The following HLTF variants were observed in gnomAD, a reference collection of about 807,000 sequenced individuals.
The protein encoded by HLTF is helicase like transcription factor, also known as DNA-dependent ATPase/E3 ubiquitin-protein ligase HLTF.
A neutral mutation model predicts 129.4 loss-of-function variants in HLTF; 127 were observed. The ratio of observed to expected loss-of-function variants is 0.98; its 90% CI spans 0.85 to 1.14. HLTF has a LOEUF of 1.14. Ranked by LOEUF, HLTF falls within the 50% of genes most tolerant of loss-of-function variation. The pLI, the probability that HLTF is intolerant of heterozygous loss-of-function variation, is 0.00. For missense variants in HLTF, 1,139 were observed against 1,187.1 expected (o/e 0.96, Z 0.60); for synonymous variants, 332 against 388.8 (o/e 0.85, Z 1.72).
In HLTF at chr3:149,048,859, T is replaced by G; in HGVS notation, c.1756+4A>C. 6.2e-7 allele frequency: 1 copy of G among 1,610,252 alleles called. No individual in the cohort carries two copies. The highest frequency in any genetic ancestry group is 2.2e-5 in the East Asian group (1 of 44,806). On this transcript the variant is annotated splice_donor_region_variant and intron_variant, in intron 16 of 24. Transcript: ENST00000310053. ...GGTTTTAGTAAGTTTAATGCTATGA[T>G]TACCTGTCAAAACCCATCTTCTTTC... is the stretch of plus-strand genomic sequence containing the variant.
At chr3:149,061,268 G>A (rs115634563) in intron 10 of HLTF, among the ~76,000 whole-genome samples, 1,568 of 151,950 alleles carry the variant, frequency 0.01, 28 homozygotes, top group African/African-American at 0.036. Context: ...TTTGATAGCC[G>A]GGCGTGGTGG....
intron 23 of HLTF, among the ~76,000 whole-genome samples, chr3:149,038,748 G>C (rs1031164805): frequency 1.3e-5 from 2 of 152,008 alleles, no homozygotes; most frequent in African/African-American, 4.8e-5. Flanking sequence ...CCTGAGCTCA[G>C]GCAATCCATT....
Position 149,076,039 on chromosome 3 carries a change from A to G in HLTF, c.237T>C (p.Asn79=). Residue 79 remains asparagine, a synonymous_variant, in exon 3 of 25, where the codon AAT becomes AAC. Transcript: ENST00000310053. ...GLRYYTGVVN[N]NEMVALQRDP... is the part of the protein sequence containing the mutation. Reference sequence around the variant, plus strand: ...CTCGTTGTAATGCAACCATTTCATTATTATTAACCTAATAAAAATGATAAA... The same window carrying G: ...CTCGTTGTAATGCAACCATTTCATTGTTATTAACCTAATAAAAATGATAAA... 2.4e-6 allele frequency: 3 copies of G among 1,246,532 alleles called. No homozygotes were observed. The highest frequency in any genetic ancestry group is 3.5e-6 in the Non-Finnish European group (3 of 869,490). The allele number at this position is 1,246,532 out of a possible 1,614,324, so 77.2% of individuals were successfully genotyped here. A position where few individuals can be genotyped will look rare whatever the true frequency, so the allele number is the denominator to read the frequency against.
chr3:149,084,532 C>T, intron 2 of HLTF, 150 bp downstream of exon 2: 1 of 639,264 alleles, frequency 1.6e-6, no homozygotes, highest in Non-Finnish European at 2.7e-6. Flanking sequence ...GGGAGGGTCA[C>T]TTAAGGTATT....
At chr3:149,049,625 A>C (rs1716819948) in intron 15 of HLTF, among the ~76,000 whole-genome samples, 1 of 152,256 alleles carries the variant, frequency 6.6e-6, no homozygotes, top group Admixed American at 6.5e-5. Flanking sequence ...AAAAAAGAAA[A>C]TAAAATTCAT....
At chr3:149,082,609 T>C (rs929641016) in intron 2 of HLTF, among the ~76,000 whole-genome samples, 1 of 152,224 alleles carries the variant, frequency 6.6e-6, no homozygotes, top group African/African-American at 2.4e-5. Context: ...GTATACATCT[T>C]TGTCAAAACA....
At chr3:149,084,276 G>A (rs1414040101) in intron 2 of HLTF, among the ~76,000 whole-genome samples, 1 of 152,106 alleles carries the variant, frequency 6.6e-6, no homozygotes. Context: ...AACTCCTAAG[G>A]AATCTCCTGT....
In HLTF at chr3:149,060,694, AT is replaced by A. The variant is rs1717858620; in HGVS notation, c.1241-8del. On this transcript the variant is annotated splice_polypyrimidine_tract_variant and splice_region_variant and intron_variant, in intron 11 of 24. Coordinates refer to ENST00000310053, the MANE Select transcript of HLTF (RefSeq NM_003071.4). ...TGTACATTTTTCAGTTTGCCTAAAA[AT>A]AAAACAAAAATAAACATAAAAATGG... The A allele has an allele frequency of 6.2e-6, 10 of 1,613,314 alleles. No homozygotes were observed. The highest frequency in any genetic ancestry group is 8.5e-6 in the Non-Finnish European group (10 of 1,179,448).
chr3:149,072,787 C>CT (rs924232489), intron 5 of HLTF, among the ~76,000 whole-genome samples: 2 of 151,942 alleles, frequency 1.3e-5, no homozygotes, highest in African/African-American at 2.4e-5. Flanking sequence ...ACTTTATATA[C>CT]TTTTTTTTCA....
Position 149,041,055 on chromosome 3 carries a change from T to C in HLTF, c.2376+435A>G, listed in dbSNP as rs116380751. 5.2e-3 allele frequency among the ~76,000 whole-genome samples: 789 copies of C among 152,276 alleles called. 5 individuals carry two copies. Among genetic ancestry groups the C allele is most frequent in the Non-Finnish European group, 7.8e-3 (530 of 67,984 alleles). On this transcript the variant is annotated intron_variant, in intron 20 of 24. Coordinates refer to ENST00000310053, the MANE Select transcript of HLTF (RefSeq NM_003071.4). ...GTCCTTGAAATGTGGCTAAGCCAAA[T>C]TGAGGTGTGCTGTAAGTATACACCA...
At chr3:149,068,804 T>C (rs1353896665) in intron 7 of HLTF, among the ~76,000 whole-genome samples, 2 of 152,216 alleles carry the variant, frequency 1.3e-5, no homozygotes, top group African/African-American at 4.8e-5. Context: ...CTTATGCATT[T>C]TTCTTAAGTG....
At chr3:149,057,149 C>T (rs1258417595) in intron 13 of HLTF, among the ~76,000 whole-genome samples, 3 of 140,982 alleles carry the variant, frequency 2.1e-5, no homozygotes, top group African/African-American at 8.1e-5. Context: ...CAGAATGGGC[C>T]AGGCATGGTG....
chr3:149,077,845 G>T (rs1559883059), intron 2 of HLTF, among the ~76,000 whole-genome samples: 1 of 152,198 alleles, frequency 6.6e-6, no homozygotes, highest in East Asian at 1.9e-4. Flanking sequence ...GAAGTTCTCA[G>T]CAAAGAATGT....
intron 22 of HLTF, 138 bp from the exon 23 acceptor site, chr3:149,039,367 T>C (rs1715923000): frequency 7.4e-6 from 5 of 676,780 alleles, no homozygotes; most frequent in South Asian, 5.7e-5. Flanking sequence ...CTTATTAATA[T>C]GCTAGGCACT....
At position 149,071,429 on chromosome 3, in the gene HLTF, T is replaced by A; in HGVS notation, c.717A>T (p.Pro239=). 1 of 1,612,220 alleles carries A rather than the reference T, an allele frequency of 6.2e-7. No homozygotes were observed. Among genetic ancestry groups the A allele is most frequent in the Non-Finnish European group, 8.5e-7 (1 of 1,179,272 alleles). ...EMEPAEAIET[P]LLPHQKQALA... ...GAGCTTGTTTTTGATGTGGAAGCAG[T>A]GGTGTTTCAATAGCCTATAAATAAA... Residue 239 remains proline, a synonymous_variant, in exon 7 of 25, where the codon CCA becomes CCT. Coordinates refer to ENST00000310053, the MANE Select transcript of HLTF (RefSeq NM_003071.4).
At chr3:149,082,016 T>C (rs757023936) in intron 2 of HLTF, among the ~76,000 whole-genome samples, 22 of 152,344 alleles carry the variant, frequency 1.4e-4, no homozygotes, top group Non-Finnish European at 8.8e-5. Context: ...ATAAAATGGA[T>C]GCTTTTCTTC....
At chr3:149,080,137 G>A (rs1719745240) in intron 2 of HLTF, among the ~76,000 whole-genome samples, 1 of 152,094 alleles carries the variant, frequency 6.6e-6, no homozygotes, top group Non-Finnish European at 1.5e-5. Context: ...TCAAGAGGAG[G>A]TAAATCCATA....
Position 149,068,225 on chromosome 3 carries a change from TTAC to T in HLTF, c.990+12_990+14del. The stretch of plus-strand genomic sequence containing the variant: ...ACTGGAGGTTTCACATAAAGCGCAC[TTAC>T]TACTACTTTACCTTCTTCAGTAGAT... On this transcript the variant is annotated intron_variant, in intron 8 of 24. Transcript: ENST00000310053. 8.8e-7 allele frequency: 1 copy of T among 1,139,670 alleles called. No homozygotes were observed. Among genetic ancestry groups the T allele is most frequent in the East Asian group, 2.4e-5 (1 of 41,576 alleles). The allele number at this position is 1,139,670 out of a possible 1,614,324, so 70.6% of individuals were successfully genotyped here. A position where few individuals can be genotyped will look rare whatever the true frequency, so the allele number is the denominator to read the frequency against.
chr3:149,037,926 T>A (rs1180633990), intron 23 of HLTF, among the ~76,000 whole-genome samples: 3 of 152,168 alleles, frequency 2.0e-5, no homozygotes, highest in African/African-American at 7.2e-5. Context: ...GCTTGGTGAG[T>A]AAAGTTCAAA....
Sources: gnomAD v4.1 joint callset for allele counts (sites outside exome capture counted in the v4.1 genomes callset) on GRCh38, gnomAD v4.1.1 for gene constraint, MANE v1.5 for transcripts, NCBI Gene and HGNC (gene_info 2026-07-23, HGNC 2026-07-21) for gene names.